The following RAB33B variants were observed in gnomAD, a reference collection of about 807,000 sequenced individuals.
The protein encoded by RAB33B is RAB33B, member RAS oncogene family.
A neutral mutation model predicts 15.0 loss-of-function variants in RAB33B; 6 were observed. The observed-to-expected ratio is 0.40, with a 90% CI of 0.22 to 0.79. The LOEUF (loss-of-function observed/expected upper bound fraction) is 0.79. Among genes scored for constraint, RAB33B ranks in the 30% least tolerant of loss-of-function variants. The probability of loss-of-function intolerance (pLI) is 0.37; values close to 1 mark genes in which losing one functional copy is unlikely to be tolerated. For synonymous variants in RAB33B, 117 were observed against 108.3 expected (o/e 1.08, Z -0.50); for missense variants, 257 against 296.4 (o/e 0.87, Z 0.98).
intron 1 of RAB33B, among the ~76,000 whole-genome samples, chr4:139,461,873 C>A (rs1333814651): frequency 6.6e-6 from 1 of 150,688 alleles, no homozygotes; most frequent in African/African-American, 2.4e-5. Flanking sequence ...CACTGCACTC[C>A]AGCCTGGGTG....
the RAB33B span, among the ~76,000 whole-genome samples, chr4:139,443,117 C>T: frequency 6.6e-6 from 1 of 151,956 alleles, no homozygotes; most frequent in Admixed American, 6.6e-5. Flanking sequence ...CTCAGCCTCC[C>T]GAGTAGCTGG....
intron 1 of RAB33B, among the ~76,000 whole-genome samples, chr4:139,466,401 A>T (rs35346847): frequency 0.2 from 31,167 of 152,076 alleles, 3,526 homozygotes; most frequent in Non-Finnish European, 0.26. Flanking sequence ...TTAAAACATT[A>T]TAAGTCATTT....
At chr4:139,444,855 G>A in the RAB33B span, among the ~76,000 whole-genome samples, 1 of 152,084 alleles carries the variant, frequency 6.6e-6, no homozygotes, top group Non-Finnish European at 1.5e-5. Context: ...CTATTATGGT[G>A]GAAAAAGCCA....
chr4:139,454,821 C>T (rs1276980118), intron 1 of RAB33B, among the ~76,000 whole-genome samples: 4 of 152,112 alleles, frequency 2.6e-5, no homozygotes, highest in Non-Finnish European at 5.9e-5. Flanking sequence ...GGAGGAAAAA[C>T]AGTGAAATTG....
At chr4:139,459,528 T>C (rs1392438421) in intron 1 of RAB33B, among the ~76,000 whole-genome samples, 3 of 152,178 alleles carry the variant, frequency 2.0e-5, no homozygotes, top group Non-Finnish European at 4.4e-5. Flanking sequence ...ATGATTTCTA[T>C]CTCATTGCAT....
chr4:139,444,629 A>G, the RAB33B span, among the ~76,000 whole-genome samples: 1 of 152,152 alleles, frequency 6.6e-6, no homozygotes, highest in Admixed American at 6.5e-5. Flanking sequence ...ATTCTAGGGG[A>G]CCCAAAATGT....
At chr4:139,463,137 A>G (rs748996658) in intron 1 of RAB33B, among the ~76,000 whole-genome samples, 1 of 152,170 alleles carries the variant, frequency 6.6e-6, no homozygotes, top group Non-Finnish European at 1.5e-5. Flanking sequence ...CTGTACCCCA[A>G]CCTGGCAAGA....
At chr4:139,454,106 G>C, upstream of RAB33B, 1 of 1,454,092 alleles carries the variant, frequency 6.9e-7, no homozygotes, top group Non-Finnish European at 9.2e-7. Flanking sequence ...AGCCGAACTG[G>C]CCGGCTGGGC....
intron 1 of RAB33B, among the ~76,000 whole-genome samples, chr4:139,471,306 A>T (rs996565293): frequency 2.0e-5 from 3 of 152,008 alleles, no homozygotes; most frequent in African/African-American, 7.3e-5. Flanking sequence ...TTTTTGCTCT[A>T]ACAGGGCAGA....
the RAB33B span, among the ~76,000 whole-genome samples, chr4:139,438,754 T>C: frequency 3.3e-5 from 5 of 152,180 alleles, no homozygotes; most frequent in Non-Finnish European, 7.3e-5. Flanking sequence ...TCTCAAGTCA[T>C]GTTGTAAACA....
intron 1 of RAB33B, among the ~76,000 whole-genome samples, chr4:139,458,918 GT>G (rs1750118047): frequency 6.6e-6 from 1 of 152,154 alleles, no homozygotes; most frequent in African/African-American, 2.4e-5. Flanking sequence ...GCCAGCATAT[GT>G]TATTTTTTGA....
upstream of RAB33B, chr4:139,448,992 TC>T (rs1749876701): frequency 6.6e-6 from 1 of 152,236 alleles, no homozygotes; most frequent in African/African-American, 2.4e-5. Flanking sequence ...AATGAGGACT[TC>T]CGTTTCTCCT....
intron 1 of RAB33B, 97 bp downstream of exon 1, chr4:139,454,541 C>G: frequency 7.4e-7 from 1 of 1,353,202 alleles, no homozygotes; most frequent in South Asian, 1.4e-5. Flanking sequence ...TGTGTGCGCT[C>G]CATTTTTTTC....
chr4:139,472,913 C>A lies in RAB33B; in HGVS notation c.477C>A (p.Pro159=), dbSNP rs1750418010. ...KCDLRSAIQV[P]TDLAQKFADT... is the part of the protein sequence containing the mutation. ...ACTTGAGAAGTGCCATACAGGTACC[C>A]ACAGACTTGGCACAAAAATTTGCTG... Residue 159 remains proline, a synonymous_variant, in exon 2 of 2, where the codon CCC becomes CCA. Coordinates refer to ENST00000305626, the MANE Select transcript of RAB33B (RefSeq NM_031296.3). 1 of 1,614,006 alleles carries A rather than the reference C, an allele frequency of 6.2e-7. No homozygotes were observed.
chr4:139,463,498 T>G (rs1346867903), intron 1 of RAB33B, among the ~76,000 whole-genome samples: 2 of 152,234 alleles, frequency 1.3e-5, no homozygotes, highest in African/African-American at 4.8e-5. Flanking sequence ...TGAGCACATA[T>G]TAGCCATTTT....
At chr4:139,439,501 A>G in the RAB33B span, among the ~76,000 whole-genome samples, 197 of 152,312 alleles carry the variant, frequency 1.3e-3, 2 homozygotes, top group African/African-American at 4.7e-3. Flanking sequence ...GTATCTCAGT[A>G]TGTGTTTCTT....
chr4:139,472,353 A>G (rs1294213551), intron 1 of RAB33B, among the ~76,000 whole-genome samples: 1 of 152,218 alleles, frequency 6.6e-6, no homozygotes, highest in East Asian at 1.9e-4. Flanking sequence ...CAGGAATTAA[A>G]TGCTTAACAT....
rs1288651704 is a variant in RAB33B at position 139,475,566 on chromosome 4, A to C, written c.*2440A>C. 2 of 152,082 alleles carry C rather than the reference A, an allele frequency of 1.3e-5. No individual in the cohort carries two copies. Among genetic ancestry groups the C allele is most frequent in the Non-Finnish European group, 2.9e-5 (2 of 67,934 alleles). The allele number at this position is 152,082 out of a possible 1,614,324, so 9.4% of individuals were successfully genotyped here. A position where few individuals can be genotyped will look rare whatever the true frequency, so the allele number is the denominator to read the frequency against. ...CAATATCTTAAAATATTTATAAAAC[A>C]TTTCACTGTTGCAAAATCACTTCCA... On this transcript the variant is annotated 3_prime_UTR_variant, in exon 2 of 2. Coordinates refer to ENST00000305626, the MANE Select transcript of RAB33B (RefSeq NM_031296.3).
intron 1 of RAB33B, among the ~76,000 whole-genome samples, chr4:139,468,198 A>G (rs1750327414): frequency 6.6e-6 from 1 of 152,156 alleles, no homozygotes; most frequent in Non-Finnish European, 1.5e-5. Context: ...CAGACAAGAG[A>G]AGAGAGCTTG....
Sources: gnomAD v4.1 joint callset for allele counts (sites outside exome capture counted in the v4.1 genomes callset) on GRCh38, gnomAD v4.1.1 for gene constraint, MANE v1.5 for transcripts, NCBI Gene and HGNC (gene_info 2026-07-23, HGNC 2026-07-21) for gene names.